KCTD3: variants seen among roughly 807,000 people sequenced by gnomAD.
KCTD3 encodes the protein BTB/POZ domain-containing protein KCTD3.
KCTD3 carries 41 observed loss-of-function variants against 85.8 expected under a neutral mutation model. The observed-to-expected ratio is 0.48, with a 90% confidence interval of 0.37 to 0.62. The LOEUF is 0.62. KCTD3 is among the 20% of genes least tolerant of loss of function. The pLI, the probability that KCTD3 is intolerant of heterozygous loss-of-function variation, is 0.00. For synonymous variants in KCTD3, 338 were observed against 345.4 expected (o/e 0.98, Z 0.24); for missense variants, 724 against 989.9 (o/e 0.73, Z 3.60).
At chr1:215,594,777 G>A (rs1247123458) in intron 9 of KCTD3, among the ~76,000 whole-genome samples, 5 of 152,064 alleles carry the variant, frequency 3.3e-5, no homozygotes, top group Non-Finnish European at 5.9e-5. Context: ...GGAACACATG[G>A]GGTTTAAAAA....
intron 1 of KCTD3, among the ~76,000 whole-genome samples, chr1:215,569,787 C>A (rs1367820083): frequency 1.3e-5 from 2 of 151,800 alleles, no homozygotes; most frequent in Admixed American, 6.6e-5. Context: ...CTAATTTTTT[C>A]TAAGTGATAT....
chr1:215,595,613 C>A, intron 10 of KCTD3, 142 bp downstream of exon 10: 1 of 550,078 alleles, frequency 1.8e-6, no homozygotes, highest in Non-Finnish European at 3.2e-6. Context: ...AATTTTTTTG[C>A]TAGATGCATA....
At chr1:215,597,888 A>G (rs1456144038) in intron 10 of KCTD3, among the ~76,000 whole-genome samples, 1 of 151,948 alleles carries the variant, frequency 6.6e-6, no homozygotes, top group Non-Finnish European at 1.5e-5. Flanking sequence ...TTGGGGAGAG[A>G]GGGGATTGAC....
In KCTD3 at chr1:215,612,812, G is replaced by A. The variant is rs182630027; in HGVS notation, c.1562+891G>A. 1.3e-4 allele frequency among the ~76,000 whole-genome samples: 20 copies of A among 152,238 alleles called. No homozygotes were observed. The East Asian group carries it at 3.7e-3, about 28-fold the overall frequency. On this transcript the variant is annotated intron_variant, in intron 15 of 17. Transcript: ENST00000259154. ...ACCTAACCATAATAGATGTACAGTA[G>A]AAGTTAATTTCCTCTTCCTTTTCTA...
At chr1:215,576,796 C>T (rs762378956) in intron 4 of KCTD3, among the ~76,000 whole-genome samples, 3 of 151,582 alleles carry the variant, frequency 2.0e-5, no homozygotes, top group Non-Finnish European at 2.9e-5. Flanking sequence ...TCTCCATCTC[C>T]TCACCTCGTA....
At chr1:215,574,679 G>T (rs897155368) in intron 3 of KCTD3, among the ~76,000 whole-genome samples, 1 of 152,164 alleles carries the variant, frequency 6.6e-6, no homozygotes, top group Non-Finnish European at 1.5e-5. Flanking sequence ...ATATGTCCAT[G>T]TGAAATTATA....
chr1:215,608,787 C>T (rs1301047742), intron 14 of KCTD3, among the ~76,000 whole-genome samples: 1 of 151,914 alleles, frequency 6.6e-6, no homozygotes, highest in Admixed American at 6.6e-5. Context: ...GAAAGAATCT[C>T]ACTGTCCTTA....
Position 215,604,241 on chromosome 1 carries a change from T to A in KCTD3, c.1248T>A (p.Thr416=). ...TVGSGPQLFQ[T]FTVHRSPVTK... is the part of the protein sequence containing the mutation. ...GGTCAGGTCCTCAGCTTTTTCAGAC[T>A]TTCACAGTTCACCGAAGTCCCGTAA... The change falls in exon 13 of 18, where the codon ACT becomes ACA. Residue 416 remains threonine, a synonymous_variant. Transcript: ENST00000259154. The A allele has an allele frequency of 6.2e-7, 1 of 1,613,994 alleles. No individual in the cohort carries two copies. The highest frequency in any genetic ancestry group is 8.5e-7 in the Non-Finnish European group (1 of 1,179,910).
Position 215,620,286 on chromosome 1 carries a change from A to G in KCTD3, c.2116A>G (p.Ile706Val), listed in dbSNP as rs771681462. The change falls in exon 18 of 18, where the codon ATA becomes GTA. Residue 706 changes from isoleucine (I) to valine (V), a missense_variant. Physicochemically the swap from Ile to Val is conservative, Grantham distance 29. This residue lies in a region of KCTD3 where 222 missense variants were observed against 217.7 expected (regional missense o/e 1.02). Coordinates refer to ENST00000259154, the MANE Select transcript of KCTD3 (RefSeq NM_016121.5). The part of the protein sequence containing the change: ...EVKGATGECN[I>V]SERKSPGVEI... ...GAAAGGGGCAACAGGGGAATGTAAT[A>G]TATCTGAGAGAAAGTCTCCTGGAGT... The G allele has an allele frequency of 1.7e-5, 27 of 1,614,026 alleles. No homozygotes were observed. Among genetic ancestry groups the G allele is most frequent in the East Asian group, 1.1e-4 (5 of 44,886 alleles).
chr1:215,610,125 A>G (rs1363011109), intron 14 of KCTD3, among the ~76,000 whole-genome samples: 1 of 152,074 alleles, frequency 6.6e-6, no homozygotes, highest in South Asian at 2.1e-4. Context: ...ACAAATGGAC[A>G]TACAGATTAG....
chr1:215,616,398 AAAG>A (rs1655450124), intron 15 of KCTD3, among the ~76,000 whole-genome samples: 1 of 152,232 alleles, frequency 6.6e-6, no homozygotes. Context: ...GCAACTAAAA[AAAG>A]GGAAATTTTA....
At chr1:215,617,600 T>G (rs1655501744) in intron 15 of KCTD3, among the ~76,000 whole-genome samples, 1 of 151,648 alleles carries the variant, frequency 6.6e-6, no homozygotes, top group Admixed American at 6.6e-5. Context: ...GGTGAAAACA[T>G]TAGAGAAATT....
At position 215,586,486 on chromosome 1, in the gene KCTD3, C is replaced by T. The variant is rs1365378362; in HGVS notation, c.627-9C>T. On this transcript the variant is annotated splice_polypyrimidine_tract_variant and intron_variant, in intron 8 of 17. Transcript: ENST00000259154. ...GAGTCTACCTTATGTGCCTGTTCTT[C>T]CTTAACAGAATCAAAGAATCTTCAG... is the stretch of plus-strand genomic sequence containing the variant. 1 of 1,603,326 alleles carries T rather than the reference C, an allele frequency of 6.2e-7. No homozygotes were observed. The highest frequency in any genetic ancestry group is 8.5e-7 in the Non-Finnish European group (1 of 1,173,840).
At chr1:215,601,820 A>T (rs1342239103) in intron 10 of KCTD3, 47 bp from the exon 11 acceptor site, 3 of 1,115,156 alleles carry the variant, frequency 2.7e-6, no homozygotes, top group Non-Finnish European at 4.0e-6. Flanking sequence ...CAGAAAATAG[A>T]AATTATAATT....
chr1:215,614,416 G>A (rs1655355506), intron 15 of KCTD3, among the ~76,000 whole-genome samples: 1 of 152,230 alleles, frequency 6.6e-6, no homozygotes, highest in African/African-American at 2.4e-5. Context: ...GTGTAGCATG[G>A]CCATTTTAAC....
At chr1:215,583,361 A>G (rs1000950805) in intron 8 of KCTD3, among the ~76,000 whole-genome samples, 2 of 152,232 alleles carry the variant, frequency 1.3e-5, no homozygotes, top group Non-Finnish European at 2.9e-5. Context: ...ATTAGATGTC[A>G]TTTGTAAACT....
chr1:215,592,312 T>C (rs1169339437), intron 9 of KCTD3, among the ~76,000 whole-genome samples: 1 of 152,124 alleles, frequency 6.6e-6, no homozygotes, highest in Non-Finnish European at 1.5e-5. Flanking sequence ...TCTCAGGTCC[T>C]CTGCTGCCTG....
intron 9 of KCTD3, among the ~76,000 whole-genome samples, chr1:215,593,945 C>CT: frequency 6.7e-6 from 1 of 148,654 alleles, no homozygotes; most frequent in Middle Eastern, 3.5e-3. Flanking sequence ...ACTGTAACCT[C>CT]TGCCTGTGGG....
intron 10 of KCTD3, among the ~76,000 whole-genome samples, chr1:215,598,495 G>A (rs1041122283): frequency 5.9e-5 from 9 of 152,086 alleles, no homozygotes; most frequent in Non-Finnish European, 1.3e-4. Context: ...CAAGAATCCT[G>A]TAGAAAGAGT....
Sources: gnomAD v4.1 joint callset for allele counts (sites outside exome capture counted in the v4.1 genomes callset) on GRCh38, gnomAD v4.1.1 for gene constraint, gnomAD v4.1.1 regional missense constraint, MANE v1.5 for transcripts, NCBI Gene and HGNC (gene_info 2026-07-23, HGNC 2026-07-21) for gene names.